Variants in GPATCH2 observed in about 807,000 individuals in gnomAD.
GPATCH2 encodes the protein G-patch domain containing 2.
A neutral mutation model predicts 58.0 loss-of-function variants in GPATCH2; 51 were observed. That is an observed-to-expected ratio of 0.88 (90% CI 0.70 to 1.11). GPATCH2 has a LOEUF of 1.11. Ranked by LOEUF, GPATCH2 falls within the 50% of genes most tolerant of loss-of-function variation. The pLI is 0.00. For synonymous variants in GPATCH2, 222 were observed against 218.5 expected, an observed-to-expected ratio of 1.02 and a Z score of -0.14; for missense variants, 625 against 652.2, an observed-to-expected ratio of 0.96 and a Z score of 0.45.
chr1:217,524,327 A>G (rs1156713436), intron 5 of GPATCH2, among the ~76,000 whole-genome samples: 2 of 149,932 alleles, frequency 1.3e-5, no homozygotes, highest in South Asian at 2.1e-4. Context: ...GGCGCTCCTC[A>G]CTTCCTAGAT....
intron 1 of GPATCH2, among the ~76,000 whole-genome samples, chr1:217,628,633 T>C (rs1669574748): frequency 6.8e-6 from 1 of 148,048 alleles, no homozygotes; most frequent in Non-Finnish European, 1.5e-5. Flanking sequence ...CCAGAGTCAA[T>C]ATAGTTTATT....
intron 9 of GPATCH2, among the ~76,000 whole-genome samples, chr1:217,435,757 G>GATT (rs1490964623): frequency 6.6e-6 from 1 of 152,110 alleles, no homozygotes; most frequent in Non-Finnish European, 1.5e-5. Context: ...ATGGATTTTT[G>GATT]ATTATTATTA....
intron 5 of GPATCH2, among the ~76,000 whole-genome samples, chr1:217,595,641 A>G (rs1415023675): frequency 6.6e-6 from 1 of 151,982 alleles, no homozygotes. Flanking sequence ...CTGGGATTAC[A>G]GGCATGTACC....
At chr1:217,565,206 C>T (rs554826982) in intron 5 of GPATCH2, among the ~76,000 whole-genome samples, 1 of 152,254 alleles carries the variant, frequency 6.6e-6, no homozygotes, top group South Asian at 2.1e-4. Flanking sequence ...CCCTGGAATT[C>T]CTTTAGTCCA....
Position 217,464,022 on chromosome 1 carries a change from G to A in GPATCH2, c.1278-14685C>T, listed in dbSNP as rs148230903. Among the ~76,000 whole-genome samples, 224 of 152,058 alleles carry A rather than the reference G, an allele frequency of 1.5e-3. 2 individuals carry two copies. The highest frequency in any genetic ancestry group is 4.8e-3 in the African/African-American group (199 of 41,472). The stretch of plus-strand genomic sequence containing the variant: ...TGCATGAAACATCATTTTTTTTCTA[G>A]TAACAGACAATACCATCCTAAAAGA... On this transcript the variant is annotated intron_variant, in intron 8 of 9. Coordinates refer to ENST00000366935, the MANE Select transcript of GPATCH2 (RefSeq NM_018040.5).
intron 8 of GPATCH2, among the ~76,000 whole-genome samples, chr1:217,452,764 C>T (rs1279170038): frequency 2.0e-5 from 3 of 152,030 alleles, no homozygotes; most frequent in Admixed American, 1.3e-4. Flanking sequence ...TCCCCGACCC[C>T]CAACATAGCT....
At chr1:217,489,195 C>T (rs149907403) in intron 8 of GPATCH2, among the ~76,000 whole-genome samples, 1,758 of 151,424 alleles carry the variant, frequency 0.012, 28 homozygotes, top group African/African-American at 0.04. Context: ...TTTCAGCCTT[C>T]CAAAGTGCTG....
intron 5 of GPATCH2, among the ~76,000 whole-genome samples, chr1:217,579,240 A>G (rs547763403): frequency 3.3e-5 from 5 of 152,294 alleles, no homozygotes; most frequent in Admixed American, 6.5e-5. Flanking sequence ...CTTAAAATAC[A>G]TTGCTTTAAA....
chr1:217,544,484 A>C (rs975709809), intron 5 of GPATCH2, among the ~76,000 whole-genome samples: 1 of 152,194 alleles, frequency 6.6e-6, no homozygotes, highest in South Asian at 2.1e-4. Flanking sequence ...AAAAAAGTTT[A>C]ATTCCCTTTG....
chr1:217,566,690 C>A (rs1666253647), intron 5 of GPATCH2, among the ~76,000 whole-genome samples: 1 of 152,148 alleles, frequency 6.6e-6, no homozygotes, highest in African/African-American at 2.4e-5. Context: ...ATCAAGAAAG[C>A]ATGCATCCAA....
chr1:217,527,186 T>C (rs1006043682), intron 5 of GPATCH2, among the ~76,000 whole-genome samples: 2 of 152,056 alleles, frequency 1.3e-5, no homozygotes, highest in African/African-American at 4.8e-5. Context: ...ATGATAAATG[T>C]AATGTGCTTG....
intron 5 of GPATCH2, among the ~76,000 whole-genome samples, chr1:217,558,855 A>T (rs188167711): frequency 6.8e-4 from 104 of 152,256 alleles, no homozygotes; most frequent in Non-Finnish European, 8.7e-4. Flanking sequence ...GTTAAGGCAA[A>T]AGCCTAGAAG....
chr1:217,539,487 C>T (rs1302216446), intron 5 of GPATCH2, among the ~76,000 whole-genome samples: 1 of 152,152 alleles, frequency 6.6e-6, no homozygotes, highest in Non-Finnish European at 1.5e-5. Flanking sequence ...GTCCTACAAA[C>T]AATTTTCAAG....
intron 8 of GPATCH2, among the ~76,000 whole-genome samples, chr1:217,462,506 T>TA (rs200506398): frequency 0.011 from 1,735 of 151,286 alleles, 42 homozygotes; most frequent in African/African-American, 0.04. Flanking sequence ...GAAATAAGAC[T>TA]AAAAAACAAA....
chr1:217,620,282 A>G lies in GPATCH2; in HGVS notation c.274T>C (p.Ser92Pro), dbSNP rs1316597402. The change falls in exon 2 of 10, where the codon TCT becomes CCT. Residue 92 changes from serine to proline, a missense_variant. Physicochemically the swap from Ser to Pro is moderately conservative, Grantham distance 74. Coordinates refer to ENST00000366935, the MANE Select transcript of GPATCH2 (RefSeq NM_018040.5). ...WETGHCLSEG[S>P]DSSLEEPSKD... The stretch of plus-strand genomic sequence containing the variant: ...CTTGGTTCTTCTAAACTAGAATCAG[A>G]GCCTTCACTTAAGCAGTGACCAGTC... 6.2e-7 allele frequency: 1 copy of G among 1,614,056 alleles called. No individual in the cohort carries two copies. The highest frequency in any genetic ancestry group is 1.1e-5 in the South Asian group (1 of 91,084).
chr1:217,476,610 G>A (rs1660981112), intron 8 of GPATCH2, among the ~76,000 whole-genome samples: 1 of 152,122 alleles, frequency 6.6e-6, no homozygotes, highest in African/African-American at 2.4e-5. Context: ...TGAACCCAGT[G>A]CTGCCCTGTT....
intron 1 of GPATCH2, among the ~76,000 whole-genome samples, chr1:217,621,300 T>C (rs1279976798): frequency 6.6e-6 from 1 of 152,220 alleles, no homozygotes; most frequent in Non-Finnish European, 1.5e-5. Flanking sequence ...TTTAAATTAG[T>C]TGGGGTGACA....
intron 5 of GPATCH2, among the ~76,000 whole-genome samples, chr1:217,593,976 C>T (rs1244805678): frequency 6.6e-6 from 1 of 152,008 alleles, no homozygotes; most frequent in Non-Finnish European, 1.5e-5. Flanking sequence ...GGTAATGAAT[C>T]TTAAGGAGTA....
At chr1:217,455,276 A>G (rs1422792376) in intron 8 of GPATCH2, among the ~76,000 whole-genome samples, 3 of 152,082 alleles carry the variant, frequency 2.0e-5, no homozygotes. Context: ...TAGATGCTCA[A>G]TTCCTGGCCA....
Sources: allele counts gnomAD v4.1 joint callset (sites outside exome capture counted in the v4.1 genomes callset), GRCh38; gene constraint gnomAD v4.1.1; transcripts MANE v1.5; gene names NCBI Gene and HGNC (gene_info 2026-07-23, HGNC 2026-07-21).